The following AP1G1 variants were observed in gnomAD, a reference collection of about 807,000 sequenced individuals.
AP1G1 encodes the protein adaptor related protein complex 1 subunit gamma 1, also known as AP-1 complex subunit gamma-1.
AP1G1 carries 7 observed loss-of-function variants against 108.3 expected under a neutral mutation model. That is an observed-to-expected ratio of 0.06 (90% CI 0.04 to 0.12). The LOEUF is 0.12. Ranked by LOEUF, AP1G1 falls within the 10% of genes least tolerant of loss-of-function variation. AP1G1 has a pLI of 1.00. For missense variants in AP1G1, 756 were observed against 1,010.7 expected, an observed-to-expected ratio of 0.75 and a Z score of 3.42; for synonymous variants, 379 against 353.5, an observed-to-expected ratio of 1.07 and a Z score of -0.81.
chr16:71,799,524 T>C (rs1268504492), intron 1 of AP1G1, among the ~76,000 whole-genome samples: 2 of 152,214 alleles, frequency 1.3e-5, no homozygotes, highest in Non-Finnish European at 2.9e-5. Context: ...TCTCAGCACT[T>C]TGGGAGGCCA....
At chr16:71,753,150 CAT>C (rs1229153091) in intron 13 of AP1G1, among the ~76,000 whole-genome samples, 5 of 152,140 alleles carry the variant, frequency 3.3e-5, no homozygotes, top group Admixed American at 3.3e-4. Context: ...GTTTTCTTTA[CAT>C]GTCACTGCAC....
intron 1 of AP1G1, among the ~76,000 whole-genome samples, chr16:71,792,652 G>C (rs1230112611): frequency 3.9e-5 from 6 of 151,950 alleles, no homozygotes; most frequent in African/African-American, 1.2e-4. Context: ...TCAGGAGTTC[G>C]AGACCAGCCT....
intron 5 of AP1G1, among the ~76,000 whole-genome samples, chr16:71,770,424 T>C (rs1363532711): frequency 1.3e-5 from 2 of 152,262 alleles, no homozygotes; most frequent in African/African-American, 2.4e-5. Context: ...CTCTGTTTTA[T>C]ACAAAGATTC....
intron 1 of AP1G1, chr16:71,808,471 C>G (rs1049448047): frequency 2.4e-6 from 3 of 1,225,776 alleles, no homozygotes; most frequent in Non-Finnish European, 2.1e-6. Context: ...AAGATCGCAG[C>G]CTGAGAAAGT....
At chr16:71,737,453 T>C (rs1317526487) in intron 21 of AP1G1, among the ~76,000 whole-genome samples, 1 of 152,120 alleles carries the variant, frequency 6.6e-6, no homozygotes, top group Non-Finnish European at 1.5e-5. Flanking sequence ...CTGGCTAATT[T>C]TTTGTATTTT....
intron 1 of AP1G1, among the ~76,000 whole-genome samples, chr16:71,802,790 G>C (rs1424779504): frequency 1.3e-5 from 2 of 151,858 alleles, no homozygotes; most frequent in East Asian, 3.9e-4. Context: ...TCAAACTCCT[G>C]TCCTCAAGTG....
intron 7 of AP1G1, 94 bp from the exon 8 acceptor site, chr16:71,764,820 G>T (rs956361064): frequency 1.3e-6 from 1 of 751,026 alleles, no homozygotes; most frequent in African/African-American, 1.8e-5. Flanking sequence ...TGAAGTCTTA[G>T]AAATTCATTT....
intron 1 of AP1G1, among the ~76,000 whole-genome samples, chr16:71,799,653 C>A (rs1018843215): frequency 6.6e-6 from 1 of 152,062 alleles, no homozygotes; most frequent in African/African-American, 2.4e-5. Context: ...GTAATCCCAG[C>A]ACTTTGGGAG....
intron 1 of AP1G1, among the ~76,000 whole-genome samples, chr16:71,805,995 A>G (rs1179983011): frequency 6.6e-6 from 1 of 151,580 alleles, no homozygotes; most frequent in Non-Finnish European, 1.5e-5. Context: ...CAGCCTGGGC[A>G]ACAGAGTGAG....
chr16:71,765,689 G>A, intron 6 of AP1G1, 105 bp from the exon 7 acceptor site: 1 of 813,516 alleles, frequency 1.2e-6, no homozygotes, highest in Non-Finnish European at 2.1e-6. Flanking sequence ...CCCAGTCCAA[G>A]CAAATTCTAC....
intron 1 of AP1G1, 108 bp downstream of exon 1, chr16:71,808,655 A>T (rs1597099941): frequency 7.8e-7 from 1 of 1,289,406 alleles, no homozygotes; most frequent in Non-Finnish European, 1.0e-6. Flanking sequence ...CAACACCCAC[A>T]GCCTGGGACT....
chr16:71,803,062 A>C (rs909585699), intron 1 of AP1G1, among the ~76,000 whole-genome samples: 1 of 151,832 alleles, frequency 6.6e-6, no homozygotes, highest in African/African-American at 2.4e-5. Context: ...TAAAAATACA[A>C]AAAGTAGCCA....
rs1421189683 is a variant in AP1G1 at position 71,768,988 on chromosome 16, A to AAC, written c.642+634_642+635insGT. 2.2e-3 allele frequency among the ~76,000 whole-genome samples: 315 copies of AAC among 144,478 alleles called. 3 individuals are homozygous for AAC. The highest frequency in any genetic ancestry group is 0.011 in the South Asian group (48 of 4,438). 94.8% of individuals were successfully genotyped at this position (144,478 alleles called of 152,430 possible). On this transcript the variant is annotated intron_variant, in intron 6 of 22. Coordinates refer to ENST00000299980, the MANE Select transcript of AP1G1 (RefSeq NM_001128.6). Reference sequence around the variant, plus strand: ...TTTAAAAAAAAAATACAAAAAAAAAAAAAAAAAAAACAGGCCAGGAGCAGT... The same window carrying AAC: ...TTTAAAAAAAAAATACAAAAAAAAAAACAAAAAAAAAACAGGCCAGGAGCAGT...
At chr16:71,779,042 A>T (rs890629895) in intron 2 of AP1G1, among the ~76,000 whole-genome samples, 5 of 152,232 alleles carry the variant, frequency 3.3e-5, no homozygotes, top group African/African-American at 2.4e-5. Context: ...TAAACAGTCC[A>T]GCTTTTATAT....
intron 22 of AP1G1, among the ~76,000 whole-genome samples, 166 bp from the exon 23 acceptor site, chr16:71,733,325 G>C (rs921469707): frequency 1.3e-5 from 2 of 152,188 alleles, no homozygotes; most frequent in Non-Finnish European, 2.9e-5. Context: ...CTCTAGGCTT[G>C]AGCCAAGAAG....
At chr16:71,755,901 C>T in intron 12 of AP1G1, 118 bp downstream of exon 12, 1 of 1,141,594 alleles carries the variant, frequency 8.8e-7, no homozygotes. Context: ...GCCTTGGCCT[C>T]CCAAACTGCT....
intron 1 of AP1G1, chr16:71,806,682 T>C (rs539757945): frequency 4.7e-6 from 6 of 1,286,180 alleles, no homozygotes; most frequent in Non-Finnish European, 6.1e-6. Context: ...GAGGGCATAC[T>C]TACTAAATGA....
At chr16:71,739,650 A>T (rs1293046426) in intron 19 of AP1G1, among the ~76,000 whole-genome samples, 1 of 151,606 alleles carries the variant, frequency 6.6e-6, no homozygotes, top group African/African-American at 2.4e-5. Context: ...TACTTGGGAG[A>T]CTGCAGTGGG....
At chr16:71,807,828 A>C (rs1397720651) in intron 1 of AP1G1, 1 of 1,289,452 alleles carries the variant, frequency 7.8e-7, no homozygotes, top group Admixed American at 2.3e-5. Context: ...CTCCATGGAC[A>C]GATTTCCGTG....
Sources: allele counts gnomAD v4.1 joint callset (sites outside exome capture counted in the v4.1 genomes callset), GRCh38; gene constraint gnomAD v4.1.1; transcripts MANE v1.5; gene names NCBI Gene and HGNC (gene_info 2026-07-23, HGNC 2026-07-21).